Variants in DCC observed in about 807,000 individuals in gnomAD.
DCC encodes the protein DCC netrin 1 receptor.
In DCC, 58 loss-of-function variants were observed where a neutral mutation model predicts 172.5. That is an observed-to-expected ratio of 0.34 (90% confidence interval 0.27 to 0.42). The LOEUF is 0.42. Among genes scored for constraint, DCC ranks in the 10% least tolerant of loss-of-function variants. The pLI is 1.00. For synonymous variants in DCC, 709 were observed against 644.5 expected, an observed-to-expected ratio of 1.10 and a Z score of -1.52; for missense variants, 1,740 against 1,791.0, an observed-to-expected ratio of 0.97 and a Z score of 0.51.
intron 1 of DCC, among the ~76,000 whole-genome samples, chr18:52,674,671 A>C (rs2035618139): frequency 6.6e-6 from 1 of 152,222 alleles, no homozygotes; most frequent in Non-Finnish European, 1.5e-5. Flanking sequence ...GGCACAGCGA[A>C]TAACTAGTTA....
intron 1 of DCC, among the ~76,000 whole-genome samples, chr18:52,616,780 AAT>A (rs2144851629): frequency 1.3e-5 from 2 of 152,346 alleles, no homozygotes; most frequent in South Asian, 4.1e-4. Flanking sequence ...GAATCATGAA[AAT>A]AGTTTGAGAA....
chr18:53,402,196 G>A (rs142484743), intron 18 of DCC, among the ~76,000 whole-genome samples: 60 of 152,108 alleles, frequency 3.9e-4, no homozygotes, highest in African/African-American at 1.3e-3. Context: ...TAATCATCCA[G>A]CGTGGCAACA....
chr18:53,153,730 A>G (rs2054681510), intron 7 of DCC, among the ~76,000 whole-genome samples: 1 of 152,194 alleles, frequency 6.6e-6, no homozygotes, highest in South Asian at 2.1e-4. Flanking sequence ...CAACTAAACC[A>G]AGAGGGAAAG....
intron 15 of DCC, among the ~76,000 whole-genome samples, chr18:53,343,035 T>C (rs553267768): frequency 6.6e-6 from 1 of 151,648 alleles, no homozygotes; most frequent in Admixed American, 6.6e-5. Context: ...TGTATCCTAA[T>C]ATCTGCTAAA....
chr18:53,479,728 C>T (rs548738179), intron 25 of DCC, among the ~76,000 whole-genome samples: 2 of 152,226 alleles, frequency 1.3e-5, no homozygotes, highest in Admixed American at 6.5e-5. Context: ...AAAAAGTATA[C>T]CAACTTAGCT....
chr18:53,344,443 T>TC (rs1237617591), intron 15 of DCC, among the ~76,000 whole-genome samples: 18 of 136,644 alleles, frequency 1.3e-4, no homozygotes, highest in East Asian at 4.2e-4. Context: ...CGTTTTTCTT[T>TC]TTTTTTTTTT....
At chr18:52,574,142 T>A (rs1257043335) in intron 1 of DCC, among the ~76,000 whole-genome samples, 6 of 152,202 alleles carry the variant, frequency 3.9e-5, no homozygotes, top group Admixed American at 3.9e-4. Flanking sequence ...TTAACGTTTT[T>A]AAATCACTTT....
chr18:52,773,377 C>A (rs1372568079), intron 2 of DCC, among the ~76,000 whole-genome samples: 1 of 152,132 alleles, frequency 6.6e-6, no homozygotes, highest in Admixed American at 6.5e-5. Context: ...ATATCCTTAA[C>A]TATGAGTTCT....
At chr18:53,370,702 A>G (rs770536288) in intron 15 of DCC, among the ~76,000 whole-genome samples, 22 of 151,772 alleles carry the variant, frequency 1.4e-4, no homozygotes, top group Non-Finnish European at 2.7e-4. Context: ...TTATAACTTC[A>G]TCCCATTACG....
At chr18:52,817,535 T>C (rs1219834567) in intron 2 of DCC, among the ~76,000 whole-genome samples, 1 of 152,172 alleles carries the variant, frequency 6.6e-6, no homozygotes, top group Admixed American at 6.5e-5. Flanking sequence ...ATAATTGAGA[T>C]TTCTGGCTTG....
intron 1 of DCC, among the ~76,000 whole-genome samples, chr18:52,516,818 A>G (rs2031658694): frequency 6.6e-6 from 1 of 152,226 alleles, no homozygotes; most frequent in African/African-American, 2.4e-5. Context: ...TACCTTGTTA[A>G]GAATTCATTC....
intron 8 of DCC, among the ~76,000 whole-genome samples, chr18:53,175,981 T>C (rs1211914871): frequency 6.6e-6 from 1 of 151,530 alleles, no homozygotes; most frequent in Non-Finnish European, 1.5e-5. Flanking sequence ...AAAACAGAGA[T>C]ATAGATCAAT....
intron 1 of DCC, among the ~76,000 whole-genome samples, chr18:52,702,369 A>G (rs148307585): frequency 1.1e-3 from 174 of 152,224 alleles, no homozygotes; most frequent in African/African-American, 4.1e-3. Context: ...ACCTCCTTTG[A>G]AAGCCACCCC....
chr18:53,411,702 C>T (rs1909999595), intron 20 of DCC, among the ~76,000 whole-genome samples: 1 of 152,040 alleles, frequency 6.6e-6, no homozygotes, highest in Middle Eastern at 3.2e-3. Flanking sequence ...GAAAATTTGC[C>T]AACAACACAC....
intron 1 of DCC, among the ~76,000 whole-genome samples, chr18:52,458,327 G>A (rs974889238): frequency 2.0e-5 from 3 of 152,118 alleles, no homozygotes; most frequent in African/African-American, 7.2e-5. Context: ...CTGACCACAT[G>A]TCTTTCACAT....
intron 8 of DCC, among the ~76,000 whole-genome samples, chr18:53,162,102 C>T (rs946555403): frequency 6.6e-6 from 1 of 152,024 alleles, no homozygotes; most frequent in Admixed American, 6.6e-5. Context: ...AGTTCGAGAC[C>T]AGCCCGGCCA....
chr18:52,810,581 T>C (rs535840319), intron 2 of DCC, among the ~76,000 whole-genome samples: 1 of 152,108 alleles, frequency 6.6e-6, no homozygotes, highest in Non-Finnish European at 1.5e-5. Flanking sequence ...GGTGGGAAAG[T>C]CCCCCATGTG....
At chr18:52,396,627 A>G (rs1051914978) in intron 1 of DCC, among the ~76,000 whole-genome samples, 2 of 152,060 alleles carry the variant, frequency 1.3e-5, no homozygotes, top group Admixed American at 1.3e-4. Context: ...TCTCACTGGG[A>G]TTAACATTTA....
intron 1 of DCC, among the ~76,000 whole-genome samples, chr18:52,465,362 C>T (rs1337489369): frequency 6.6e-6 from 1 of 152,134 alleles, no homozygotes; most frequent in African/African-American, 2.4e-5. Context: ...CTGTTGCTGA[C>T]TTTTTTTCTC....
Sources: allele counts gnomAD v4.1 joint callset (sites outside exome capture counted in the v4.1 genomes callset), GRCh38; gene constraint gnomAD v4.1.1; transcripts MANE v1.5; gene names NCBI Gene and HGNC (gene_info 2026-07-23, HGNC 2026-07-21).